TPRG1: variants seen among roughly 807,000 people sequenced by gnomAD.
TPRG1 encodes the protein tumor protein p63 regulated 1.
Under a neutral mutation model 29.3 loss-of-function variants are expected in TPRG1, and 29 were observed. The observed-to-expected ratio is 0.99, with a 90% CI of 0.74 to 1.35. The LOEUF (loss-of-function observed/expected upper bound fraction) is 1.35, where lower values mean the gene tolerates loss of function less well. Among genes scored for constraint, TPRG1 ranks in the 40% most tolerant of loss-of-function variants. TPRG1 has a pLI of 0.00. For missense variants in TPRG1, 327 were observed against 335.0 expected (o/e 0.98, Z 0.19); for synonymous variants, 130 against 116.8 (o/e 1.11, Z -0.73).
chr3:189,157,713 C>T (rs766541317), intron 5 of TPRG1, among the ~76,000 whole-genome samples: 2 of 152,288 alleles, frequency 1.3e-5, no homozygotes, highest in African/African-American at 2.4e-5. Context: ...AGCAGAACAC[C>T]ATGCTGTTGC....
At chr3:189,053,948 T>C (rs763771916) in intron 4 of TPRG1, among the ~76,000 whole-genome samples, 27 of 152,214 alleles carry the variant, frequency 1.8e-4, no homozygotes, top group Non-Finnish European at 3.5e-4. Flanking sequence ...TTTCTTAACA[T>C]TTGTGTATTC....
chr3:189,133,466 G>A (rs1490314295), intron 3 of TPRG1, among the ~76,000 whole-genome samples: 1 of 152,166 alleles, frequency 6.6e-6, no homozygotes, highest in Non-Finnish European at 1.5e-5. Context: ...TATTGAGGGA[G>A]GGAAGTGACT....
chr3:189,177,931 G>A lies in TPRG1; in HGVS notation c.-10+5800G>A, dbSNP rs116571222. On this transcript the variant is annotated intron_variant, in intron 1 of 5. Coordinates refer to ENST00000345063, the MANE Select transcript of TPRG1 (RefSeq NM_198485.4). ...GGGAGATGGAGGAGGAGTAGCCAGC[G>A]TGCTGGGTGGACACTAGGTGAATGT... 7.2e-3 allele frequency among the ~76,000 whole-genome samples: 1,101 copies of A among 152,260 alleles called. 6 individuals are homozygous for A. Among genetic ancestry groups the A allele is most frequent in the Non-Finnish European group, 0.01 (695 of 68,032 alleles).
chr3:189,315,407 A>G (rs951007366), intron 5 of TPRG1: 5 of 427,370 alleles, frequency 1.2e-5, no homozygotes, highest in African/African-American at 1.0e-4. Context: ...TGGCTCAATT[A>G]TCCTCAATTA....
intron 1 of TPRG1, among the ~76,000 whole-genome samples, chr3:189,179,497 A>G (rs1226657185): frequency 1.3e-5 from 2 of 152,210 alleles, no homozygotes; most frequent in African/African-American, 4.8e-5. Flanking sequence ...AGGTATTCAG[A>G]CAGCTCAGCG....
At chr3:189,146,893 G>A (rs1370239651) in intron 3 of TPRG1, among the ~76,000 whole-genome samples, 2 of 152,212 alleles carry the variant, frequency 1.3e-5, no homozygotes, top group Non-Finnish European at 2.9e-5. Flanking sequence ...CTTTTCCACA[G>A]TACTTCTGCA....
At chr3:189,312,118 T>C in intron 5 of TPRG1, among the ~76,000 whole-genome samples, 1 of 31,524 alleles carries the variant, frequency 3.2e-5, no homozygotes, top group African/African-American at 1.6e-4. Flanking sequence ...TCTTTCTTTG[T>C]TTCTTTCTTT....
chr3:189,306,840 A>G (rs903546297), intron 4 of TPRG1, among the ~76,000 whole-genome samples: 3 of 129,604 alleles, frequency 2.3e-5, no homozygotes, highest in South Asian at 2.3e-4. Flanking sequence ...ATTGTGACCT[A>G]CAGATCAGAA....
At chr3:189,138,699 A>G (rs939170852) in intron 3 of TPRG1, among the ~76,000 whole-genome samples, 8 of 152,198 alleles carry the variant, frequency 5.3e-5, no homozygotes, top group Admixed American at 3.3e-4. Context: ...ACTCAACTGC[A>G]AGGGGTCCAG....
intron 3 of TPRG1, among the ~76,000 whole-genome samples, chr3:189,017,351 G>A (rs1303439670): frequency 1.3e-5 from 2 of 151,910 alleles, no homozygotes; most frequent in Non-Finnish European, 2.9e-5. Flanking sequence ...CTAGCATTAG[G>A]TATATCTCCC....
chr3:189,018,629 T>C (rs1485485795), intron 3 of TPRG1, among the ~76,000 whole-genome samples: 2 of 149,778 alleles, frequency 1.3e-5, no homozygotes, highest in Non-Finnish European at 3.0e-5. Context: ...TTTTGGTTAC[T>C]GTAGCCTTGT....
At chr3:189,044,724 A>G (rs1714862809) in intron 4 of TPRG1, among the ~76,000 whole-genome samples, 1 of 152,186 alleles carries the variant, frequency 6.6e-6, no homozygotes, top group Non-Finnish European at 1.5e-5. Context: ...TGAGGCAGGG[A>G]AGAAGTTTGA....
Position 189,019,635 on chromosome 3 carries a change from A to G in TPRG1, c.-659-4115A>G, listed in dbSNP as rs1016230487. On this transcript the variant is annotated intron_variant, in intron 3 of 10. Coordinates refer to the TPRG1 transcript ENST00000433971. ...GATGTGCTGCTGGATTTGTTTTGCC[A>G]GTATTTTATTGAGGATTTTTGCATC... 3.5e-3 allele frequency among the ~76,000 whole-genome samples: 534 copies of G among 152,248 alleles called. 2 individuals are homozygous for G. The highest frequency in any genetic ancestry group is 0.017 in the Middle Eastern group (5 of 294).
chr3:189,120,075 A>C (rs1721651552), intron 1 of TPRG1, among the ~76,000 whole-genome samples: 1 of 152,162 alleles, frequency 6.6e-6, no homozygotes, highest in Non-Finnish European at 1.5e-5. Context: ...CCAAACTAAA[A>C]CATACTAAAC....
intron 4 of TPRG1, among the ~76,000 whole-genome samples, chr3:189,309,454 G>A (rs1222422255): frequency 1.3e-5 from 2 of 152,040 alleles, no homozygotes; most frequent in African/African-American, 4.8e-5. Flanking sequence ...AGTTCCATAG[G>A]GCTGTTTAGA....
chr3:189,239,258 G>A (rs918568811), intron 4 of TPRG1, among the ~76,000 whole-genome samples: 6 of 152,082 alleles, frequency 3.9e-5, no homozygotes, highest in African/African-American at 1.4e-4. Context: ...AGAAAATGAG[G>A]AAGAAGGAAA....
At chr3:189,169,721 C>T (rs1728583686), upstream of TPRG1, among the ~76,000 whole-genome samples, 1 of 152,168 alleles carries the variant, frequency 6.6e-6, no homozygotes, top group South Asian at 2.1e-4. Flanking sequence ...AAGCTCTTAT[C>T]ACCTCCAGGA....
chr3:189,185,682 G>A (rs762385862), intron 1 of TPRG1, among the ~76,000 whole-genome samples: 10 of 152,066 alleles, frequency 6.6e-5, no homozygotes, highest in Non-Finnish European at 1.0e-4. Context: ...GATAATATTC[G>A]CAACATTTTG....
At chr3:189,154,962 G>A (rs927696215) in intron 5 of TPRG1, among the ~76,000 whole-genome samples, 1 of 152,190 alleles carries the variant, frequency 6.6e-6, no homozygotes, top group Admixed American at 6.5e-5. Flanking sequence ...AGTGACATTT[G>A]AGCAAAGACC....
Sources: allele counts gnomAD v4.1 joint callset (sites outside exome capture counted in the v4.1 genomes callset), GRCh38; gene constraint gnomAD v4.1.1; transcripts MANE v1.5; gene names NCBI Gene and HGNC (gene_info 2026-07-23, HGNC 2026-07-21).